The following GFPT2 variants were observed in gnomAD, a reference collection of about 807,000 sequenced individuals.
GFPT2 encodes glutamine--fructose-6-phosphate aminotransferase [isomerizing] 2.
In GFPT2, 62 loss-of-function variants were observed where a neutral mutation model predicts 85.6. That is an observed-to-expected ratio of 0.72 (90% CI 0.59 to 0.90). The LOEUF is 0.90. GFPT2 is among the 40% of genes least tolerant of loss of function. The pLI is 0.00. For missense variants in GFPT2, 788 were observed against 893.4 expected (o/e 0.88, Z 1.50); for synonymous variants, 368 against 344.5 (o/e 1.07, Z -0.75).
At chr5:180,347,225 G>A (rs1764626737) in intron 1 of GFPT2, among the ~76,000 whole-genome samples, 1 of 152,248 alleles carries the variant, frequency 6.6e-6, no homozygotes. Flanking sequence ...CAGGAGCCTG[G>A]AGATCTTTCT....
chr5:180,302,917 C>T (rs1355409304), intron 17 of GFPT2, among the ~76,000 whole-genome samples: 1 of 152,130 alleles, frequency 6.6e-6, no homozygotes, highest in Non-Finnish European at 1.5e-5. Context: ...AAAACCTAGA[C>T]AAGCAAACCA....
chr5:180,314,080 C>G, intron 13 of GFPT2, 116 bp from the exon 14 acceptor site: 1 of 1,029,630 alleles, frequency 9.7e-7, no homozygotes, highest in Non-Finnish European at 1.4e-6. Context: ...ACACAGCCAG[C>G]GGGTGTTCAG....
rs527882964 is a variant in GFPT2 at position 180,301,509 on chromosome 5, G to T, written c.*55C>A. 11 of 1,406,244 alleles carry T rather than the reference G, an allele frequency of 7.8e-6. No homozygotes were observed. In the South Asian group the frequency reaches 1.2e-4, roughly 15 times the overall value. 87.1% of individuals were successfully genotyped at this position (1,406,244 alleles called of 1,614,324 possible). On this transcript the variant is annotated 3_prime_UTR_variant, in exon 19 of 19. Transcript: ENST00000253778. ...CTTCCCATGTAGCATCCCTGCTGTT[G>T]GGACAGGTCTGGAATCAGATGAAAG...
chr5:180,340,133 G>A (rs1449862121), intron 1 of GFPT2, among the ~76,000 whole-genome samples: 2 of 152,126 alleles, frequency 1.3e-5, no homozygotes, highest in Non-Finnish European at 2.9e-5. Flanking sequence ...CACAGACAGT[G>A]ACTGCTCATT....
At chr5:180,350,887 G>A (rs1297100338) in intron 1 of GFPT2, among the ~76,000 whole-genome samples, 1 of 152,234 alleles carries the variant, frequency 6.6e-6, no homozygotes, top group Non-Finnish European at 1.5e-5. Context: ...CAAGTGATAA[G>A]GAAGGGCCTT....
intron 1 of GFPT2, among the ~76,000 whole-genome samples, chr5:180,339,827 T>A (rs1021188340): frequency 1.3e-5 from 2 of 152,246 alleles, no homozygotes; most frequent in African/African-American, 4.8e-5. Context: ...GGCTGGTGCT[T>A]CTATCTTTGT....
At chr5:180,302,722 G>A in intron 17 of GFPT2, 138 bp from the exon 18 acceptor site, 1 of 626,444 alleles carries the variant, frequency 1.6e-6, no homozygotes, top group Non-Finnish European at 2.7e-6. Flanking sequence ...GGGTGAGGTG[G>A]TATGTGTGGG....
At chr5:180,307,963 T>G (rs973674138) in intron 15 of GFPT2, among the ~76,000 whole-genome samples, 83 of 151,534 alleles carry the variant, frequency 5.5e-4, no homozygotes, top group African/African-American at 1.9e-3. Flanking sequence ...ATACAAAAAA[T>G]TAGCCGGGCG....
intron 1 of GFPT2, among the ~76,000 whole-genome samples, chr5:180,339,930 T>A (rs1368331193): frequency 6.6e-6 from 1 of 152,232 alleles, no homozygotes; most frequent in Non-Finnish European, 1.5e-5. Flanking sequence ...GAGGCAATAG[T>A]ATGGGTCATA....
Position 180,318,621 on chromosome 5 carries a change from C to A in GFPT2, c.958+172G>T. 1 of 599,044 alleles carries A rather than the reference C, an allele frequency of 1.7e-6. No homozygotes were observed. The highest frequency in any genetic ancestry group is 2.9e-6 in the Non-Finnish European group (1 of 339,744). 37.1% of individuals were successfully genotyped at this position (599,044 alleles called of 1,614,324 possible). On this transcript the variant is annotated intron_variant, in intron 10 of 18. Transcript: ENST00000253778. The surrounding 1 kb of genome is among the most constrained non-coding windows in gnomAD (Gnocchi z 4.2). ...CCCCCGCTTGGAGGTGCCAGGCCAG[C>A]CTCCCCACATCCCCTCACCTGTGCA... is the stretch of plus-strand genomic sequence containing the variant.
At chr5:180,352,759 C>T (rs973796892) in intron 1 of GFPT2, 10 of 339,502 alleles carry the variant, frequency 2.9e-5, no homozygotes, top group Admixed American at 1.7e-4. Flanking sequence ...CCTCTCCTCT[C>T]CTCGGTGGGC....
chr5:180,301,665 T>C (rs1763675002), intron 18 of GFPT2, 57 bp from the exon 19 acceptor site: 3 of 1,365,860 alleles, frequency 2.2e-6, no homozygotes, highest in Non-Finnish European at 3.1e-6. Context: ...ACATGCTACC[T>C]CTCACAGACA....
At chr5:180,348,717 C>T (rs1044220613) in intron 1 of GFPT2, among the ~76,000 whole-genome samples, 1 of 151,274 alleles carries the variant, frequency 6.6e-6, no homozygotes, top group African/African-American at 2.4e-5. Flanking sequence ...GTAACCTGGA[C>T]AGGACATTTC....
intron 15 of GFPT2, 127 bp from the exon 16 acceptor site, chr5:180,307,430 C>T (rs1452018858): frequency 5.4e-5 from 47 of 874,374 alleles, no homozygotes; most frequent in South Asian, 1.4e-4. Context: ...TTTGCTTCCT[C>T]GCATTCGTTT....
At chr5:180,331,429 G>T (rs1218653176) in intron 5 of GFPT2, 66 bp downstream of exon 5, 4 of 924,980 alleles carry the variant, frequency 4.3e-6, no homozygotes, top group Non-Finnish European at 7.2e-6. Context: ...GAAATGAGCT[G>T]GCTGGAAAGT....
At chr5:180,334,951 G>A (rs774920610) in intron 4 of GFPT2, among the ~76,000 whole-genome samples, 4 of 152,232 alleles carry the variant, frequency 2.6e-5, no homozygotes, top group Non-Finnish European at 5.9e-5. Context: ...TCCCCCATGA[G>A]AGGGGGCAAG....
chr5:180,350,631 GAAGGA>G (rs1442958908), intron 1 of GFPT2, among the ~76,000 whole-genome samples: 2 of 152,214 alleles, frequency 1.3e-5, no homozygotes, highest in African/African-American at 2.4e-5. Flanking sequence ...AGGAAGCAGA[GAAGGA>G]AAGGAGAGAG....
At chr5:180,313,342 A>C (rs1284798890) in intron 14 of GFPT2, among the ~76,000 whole-genome samples, 2 of 151,818 alleles carry the variant, frequency 1.3e-5, no homozygotes, top group African/African-American at 4.8e-5. Context: ...CTGTAATCCC[A>C]GCACTTTGGG....
chr5:180,309,100 C>T (rs1273932292), intron 15 of GFPT2, among the ~76,000 whole-genome samples: 1 of 152,094 alleles, frequency 6.6e-6, no homozygotes, highest in African/African-American at 2.4e-5. Context: ...TCTTGAACTC[C>T]TGACCTCATG....
Sources: allele counts gnomAD v4.1 joint callset (sites outside exome capture counted in the v4.1 genomes callset), GRCh38; gene constraint gnomAD v4.1.1; non-coding constraint Gnocchi (gnomAD v3.1); transcripts MANE v1.5; gene names NCBI Gene and HGNC (gene_info 2026-07-23, HGNC 2026-07-21).